The following SCN2A variants were observed in gnomAD, a reference collection of about 807,000 sequenced individuals.
SCN2A encodes sodium channel protein type 2 subunit alpha.
A neutral mutation model predicts 188.7 loss-of-function variants in SCN2A; 20 were observed. That is an observed-to-expected ratio of 0.11 (90% confidence interval 0.07 to 0.15). The LOEUF (loss-of-function observed/expected upper bound fraction) is 0.15. SCN2A is among the 10% of genes least tolerant of loss of function. SCN2A has a pLI of 1.00. For synonymous variants in SCN2A, 804 were observed against 833.1 expected (o/e 0.97, Z 0.60); for missense variants, 1,278 against 2,445.0 (o/e 0.52, Z 10.07).
chr2:165,380,054 A>G (rs1701518485), intron 23 of SCN2A, among the ~76,000 whole-genome samples: 1 of 151,850 alleles, frequency 6.6e-6, no homozygotes, highest in African/African-American at 2.4e-5. Context: ...TTGCCTATCT[A>G]AAGAAATGTA....
intron 14 of SCN2A, among the ~76,000 whole-genome samples, chr2:165,332,592 C>T (rs1356761201): frequency 1.3e-5 from 2 of 151,972 alleles, no homozygotes; most frequent in African/African-American, 4.8e-5. Flanking sequence ...CAGAGACTAT[C>T]ATAAGCTATG....
Position 165,295,836 on chromosome 2 carries a change from G to A in SCN2A, c.13G>A (p.Val5Met). 5.6e-6 allele frequency: 9 copies of A among 1,614,104 alleles called. No homozygotes were observed. Among genetic ancestry groups the A allele is most frequent in the Non-Finnish European group, 6.8e-6 (8 of 1,180,016 alleles). The change falls in exon 2 of 27, where the codon GTG becomes ATG. Residue 5 changes from valine to methionine, a missense_variant. This residue lies in a region of SCN2A where 141 missense variants were observed against 185.4 expected (regional missense o/e 0.76). Coordinates refer to ENST00000375437, the MANE Select transcript of SCN2A (RefSeq NM_001040142.2). The stretch of plus-strand genomic sequence containing the variant: ...GCAGGATGAAAAGATGGCACAGTCA[G>A]TGCTGGTACCGCCAGGACCTGACAG... MAQS[V>M]LVPPGPDSFR...
intron 16 of SCN2A, among the ~76,000 whole-genome samples, chr2:165,346,524 A>G (rs111235430): frequency 0.019 from 2,925 of 152,312 alleles, 86 homozygotes; most frequent in African/African-American, 0.064. Context: ...CCTAGGCAAT[A>G]CCATTCAGGA....
At chr2:165,253,398 G>A (rs1349975746) in intron 1 of SCN2A, among the ~76,000 whole-genome samples, 1 of 152,054 alleles carries the variant, frequency 6.6e-6, no homozygotes, top group Admixed American at 6.6e-5. Flanking sequence ...GCCACTTATA[G>A]CCTATTTATG....
At chr2:165,373,415 A>G in intron 21 of SCN2A, 68 bp downstream of exon 21, 4 of 1,553,704 alleles carry the variant, frequency 2.6e-6, no homozygotes, top group African/African-American at 1.4e-5. Flanking sequence ...TGTACCATGG[A>G]AATGTCAAAT....
chr2:165,308,572 T>G (rs1316764874), intron 4 of SCN2A, 94 bp from the exon 5 acceptor site: 3 of 1,371,776 alleles, frequency 2.2e-6, no homozygotes, highest in Non-Finnish European at 3.1e-6. Flanking sequence ...CCTGGAAGTG[T>G]CTAATTTTTG....
chr2:165,303,897 AATT>A (rs1464326982), intron 3 of SCN2A, among the ~76,000 whole-genome samples: 2 of 152,156 alleles, frequency 1.3e-5, no homozygotes, highest in African/African-American at 2.4e-5. Context: ...ATTAGAAAAT[AATT>A]ATTTCTCTTG....
chr2:165,337,019 CA>C (rs1699038439), intron 14 of SCN2A, among the ~76,000 whole-genome samples: 2 of 149,622 alleles, frequency 1.3e-5, no homozygotes, highest in Non-Finnish European at 1.5e-5. Context: ...TTAGAATAAA[CA>C]AAAAAGGACT....
At chr2:165,379,542 T>C (rs1019765336) in intron 23 of SCN2A, among the ~76,000 whole-genome samples, 1 of 151,722 alleles carries the variant, frequency 6.6e-6, no homozygotes, top group African/African-American at 2.4e-5. Flanking sequence ...GTTATGGATT[T>C]CACTTATAAA....
chr2:165,247,227 T>C (rs2106060454), intron 1 of SCN2A, among the ~76,000 whole-genome samples: 1 of 152,354 alleles, frequency 6.6e-6, no homozygotes, highest in South Asian at 2.1e-4. Flanking sequence ...TATATTTGCA[T>C]ACAAGCATTT....
chr2:165,372,802 T>C (rs1385420318), intron 20 of SCN2A: 1 of 189,536 alleles, frequency 5.3e-6, no homozygotes, highest in Non-Finnish European at 1.1e-5. Context: ...TTTACTTGTG[T>C]ATCAAATGTT....
At chr2:165,249,333 G>A (rs530490314) in intron 1 of SCN2A, among the ~76,000 whole-genome samples, 3 of 152,234 alleles carry the variant, frequency 2.0e-5, no homozygotes, top group East Asian at 1.9e-4. Context: ...GTGGAGCAAA[G>A]CACTGGTCTC....
At chr2:165,350,464 C>CTTTTTTTT (rs71028479) in intron 16 of SCN2A, among the ~76,000 whole-genome samples, 21 of 73,834 alleles carry the variant, frequency 2.8e-4, no homozygotes, top group African/African-American at 1.2e-3. Flanking sequence ...TGTTTTCTTT[C>CTTTTTTTT]TTTTTTTTTT....
chr2:165,310,220 C>A, intron 6 of SCN2A, 103 bp from the exon 7 acceptor site: 1 of 1,235,644 alleles, frequency 8.1e-7, no homozygotes, highest in Non-Finnish European at 1.2e-6. Flanking sequence ...TGTTGGCATT[C>A]TGCATGACAT....
At chr2:165,382,294 A>G (rs1038555540) in intron 25 of SCN2A, among the ~76,000 whole-genome samples, 1 of 152,138 alleles carries the variant, frequency 6.6e-6, no homozygotes, top group African/African-American at 2.4e-5. Flanking sequence ...TACAAATGCA[A>G]TATAGTTAAC....
intron 25 of SCN2A, among the ~76,000 whole-genome samples, chr2:165,381,826 G>A (rs1029836783): frequency 2.0e-5 from 3 of 151,978 alleles, no homozygotes. Context: ...TTGCTGCCAG[G>A]AGAATCGCTA....
chr2:165,289,761 T>C (rs1190451888), intron 1 of SCN2A, among the ~76,000 whole-genome samples: 1 of 152,164 alleles, frequency 6.6e-6, no homozygotes. Flanking sequence ...TGTTGTTCAT[T>C]CGATGTTTTA....
intron 1 of SCN2A, among the ~76,000 whole-genome samples, chr2:165,294,470 T>A (rs974041808): frequency 2.0e-5 from 3 of 152,202 alleles, no homozygotes; most frequent in South Asian, 2.1e-4. Context: ...ACATTTTTTT[T>A]AAATAAAACT....
At chr2:165,246,093 A>G (rs1693834288) in intron 1 of SCN2A, among the ~76,000 whole-genome samples, 1 of 152,202 alleles carries the variant, frequency 6.6e-6, no homozygotes, top group African/African-American at 2.4e-5. Context: ...ACAAACCTAG[A>G]CTCACAGCAT....
Sources: gnomAD v4.1 joint callset for allele counts (sites outside exome capture counted in the v4.1 genomes callset) on GRCh38, gnomAD v4.1.1 for gene constraint, gnomAD v4.1.1 regional missense constraint, MANE v1.5 for transcripts, NCBI Gene and HGNC (gene_info 2026-07-23, HGNC 2026-07-21) for gene names.